The following GNA15 variants were observed in gnomAD, a reference collection of about 807,000 sequenced individuals.
The protein encoded by GNA15 is guanine nucleotide-binding protein subunit alpha-15.
In GNA15, 23 loss-of-function variants were observed where a neutral mutation model predicts 40.1. That is an observed-to-expected ratio of 0.57 (90% CI 0.41 to 0.81). The LOEUF (loss-of-function observed/expected upper bound fraction) is 0.81. Among genes scored for constraint, GNA15 ranks in the 40% least tolerant of loss-of-function variants. The pLI is 0.00. For missense variants in GNA15, 522 were observed against 515.8 expected, an observed-to-expected ratio of 1.01 and a Z score of -0.12; for synonymous variants, 226 against 210.4, an observed-to-expected ratio of 1.07 and a Z score of -0.64.
chr19:3,150,194 G>A lies in GNA15; in HGVS notation c.394G>A (p.Ala132Thr). The change falls in exon 3 of 7, where the codon GCT (alanine) becomes ACT (threonine). Residue 132 changes from alanine to threonine, a missense_variant. Transcript: ENST00000262958. Reference sequence around the variant, plus strand: ...AGTGACCACGTTTGAGAAGCGCTACGCTGCGGCCATGCAGTGGCTGTGGAG... The same window carrying A: ...AGTGACCACGTTTGAGAAGCGCTACACTGCGGCCATGCAGTGGCTGTGGAG... The part of the protein sequence containing the change: ...YKVTTFEKRY[A>T]AAMQWLWRDA... The A allele has an allele frequency of 1.9e-6, 3 of 1,613,226 alleles. No homozygotes were observed. The highest frequency in any genetic ancestry group is 1.7e-6 in the Non-Finnish European group (2 of 1,179,724).
At chr19:3,148,250 G>A (rs1448250622) in intron 1 of GNA15, among the ~76,000 whole-genome samples, 1 of 151,936 alleles carries the variant, frequency 6.6e-6, no homozygotes. Flanking sequence ...CACCACACCC[G>A]GCTAATTTTG....
At chr19:3,139,804 G>A (rs189557523) in intron 1 of GNA15, among the ~76,000 whole-genome samples, 386 of 152,096 alleles carry the variant, frequency 2.5e-3, no homozygotes, top group Non-Finnish European at 5.0e-3. Flanking sequence ...GGGGGGCCGA[G>A]GAGGGTGGAT....
At chr19:3,140,027 C>A (rs1914539304) in intron 1 of GNA15, among the ~76,000 whole-genome samples, 1 of 145,306 alleles carries the variant, frequency 6.9e-6, no homozygotes, top group Admixed American at 7.0e-5. Flanking sequence ...GAGTGAAACT[C>A]CATCTCAAAA....
Position 3,151,426 on chromosome 19 carries a change from G to T in GNA15, c.486-281G>T, listed in dbSNP as rs557162770. Among the ~76,000 whole-genome samples, 1 of 152,230 alleles carries T rather than the reference G, an allele frequency of 6.6e-6. No individual in the cohort carries two copies. The highest frequency in any genetic ancestry group is 1.9e-4 in the East Asian group (1 of 5,190). ...GCATTCTTGGGGTAGCGCCACCCCT[G>T]CCATAGCAGCTCTCCCGGGGGACAC... is the stretch of plus-strand genomic sequence containing the variant. On this transcript the variant is annotated intron_variant, in intron 3 of 6. Coordinates refer to ENST00000262958, the MANE Select transcript of GNA15 (RefSeq NM_002068.4). This position sits in a 1 kb window ranked among gnomAD's most constrained non-coding sequence, Gnocchi z 5.0.
rs1001799677 is a variant in GNA15 at position 3,136,048 on chromosome 19, G to A, written c.-403G>A. 6.1e-4 allele frequency: 101 copies of A among 164,606 alleles called. No individual in the cohort carries two copies. The highest frequency in any genetic ancestry group is 9.9e-4 in the Non-Finnish European group (75 of 76,124). The allele number at this position is 164,606 out of a possible 1,614,324, so 10.2% of individuals were successfully genotyped here. ...CCCCTTCTCCAGAAGGAGGAAGAAG[G>A]GCCCTGCTGGTCACACAGGACCCAG... On this transcript the variant is annotated 5_prime_UTR_variant, in exon 1 of 7. Transcript: ENST00000262958. The surrounding 1 kb of genome is among the most constrained non-coding windows in gnomAD (Gnocchi z 4.9).
chr19:3,136,627 G>A lies in GNA15; in HGVS notation c.145+32G>A, dbSNP rs1468733940. On this transcript the variant is annotated intron_variant, in intron 1 of 6. Transcript: ENST00000262958. This position sits in a 1 kb window ranked among gnomAD's most constrained non-coding sequence, Gnocchi z 4.9. ...CCAGGGTCGGTGGGCGGTGGGTGGT[G>A]GGCAGTGGGCGGTGGCCAGCCGGCA... 2 of 1,537,610 alleles carry A rather than the reference G, an allele frequency of 1.3e-6. No homozygotes were observed. The highest frequency in any genetic ancestry group is 2.4e-5 in the South Asian group (2 of 83,502).
At chr19:3,138,295 C>T (rs927585946) in intron 1 of GNA15, among the ~76,000 whole-genome samples, 2 of 152,166 alleles carry the variant, frequency 1.3e-5, no homozygotes, top group African/African-American at 4.8e-5. Flanking sequence ...ATCTCTGAAA[C>T]CTCGGGGTCT....
chr19:3,153,172 G>A (rs1466332607), intron 4 of GNA15, among the ~76,000 whole-genome samples: 6 of 151,734 alleles, frequency 4.0e-5, no homozygotes, highest in South Asian at 2.1e-4. Context: ...GAGAACCCAC[G>A]AGAAGGAACC....
intron 6 of GNA15, among the ~76,000 whole-genome samples, chr19:3,160,295 C>T (rs550294031): frequency 7.6e-4 from 116 of 152,268 alleles, no homozygotes; most frequent in Middle Eastern, 3.4e-3. Context: ...TCATCTCTCT[C>T]TCCTCCCCTT....
At chr19:3,162,768 C>T in intron 6 of GNA15, 25 bp from the exon 7 acceptor site, 13 of 1,545,152 alleles carry the variant, frequency 8.4e-6, no homozygotes, top group Non-Finnish European at 1.2e-5. Flanking sequence ...AGGGTCCTCA[C>T]CCCCTTCCCA....
At chr19:3,147,642 C>A (rs569219681) in intron 1 of GNA15, among the ~76,000 whole-genome samples, 2 of 151,726 alleles carry the variant, frequency 1.3e-5, no homozygotes, top group South Asian at 4.2e-4. Context: ...CGCGGTGGCT[C>A]ACGCTTGTAA....
chr19:3,150,244 T>C lies in GNA15; in HGVS notation c.444T>C (p.Tyr148=). Residue 148 remains tyrosine, a synonymous_variant, in exon 3 of 7, where the codon TAT becomes TAC. Coordinates refer to ENST00000262958, the MANE Select transcript of GNA15 (RefSeq NM_002068.4). The part of the protein sequence containing the change: ...LWRDAGIRAC[Y]ERRREFHLLD... ...GGGATGCCGGCATCCGGGCCTGCTA[T>C]GAGCGTCGGCGGGAATTCCACCTGC... 6.2e-7 allele frequency: 1 copy of C among 1,608,290 alleles called. No individual in the cohort carries two copies. Among genetic ancestry groups the C allele is most frequent in the South Asian group, 1.1e-5 (1 of 90,520 alleles).
Position 3,136,363 on chromosome 19 carries a change from C to G in GNA15, c.-88C>G. 1 of 1,382,302 alleles carries G rather than the reference C, an allele frequency of 7.2e-7. No individual in the cohort carries two copies. Among genetic ancestry groups the G allele is most frequent in the Non-Finnish European group, 9.7e-7 (1 of 1,034,950 alleles). The allele number at this position is 1,382,302 out of a possible 1,614,324, so 85.6% of individuals were successfully genotyped here. ...CCTGCGCACCCGGTTGCCCGGAGCC[C>G]TCTCCAGGGCCGGCTGGGCTGGGGG... On this transcript the variant is annotated 5_prime_UTR_variant, in exon 1 of 7. Transcript: ENST00000262958. This position sits in a 1 kb window ranked among gnomAD's most constrained non-coding sequence, Gnocchi z 4.9.
intron 5 of GNA15, among the ~76,000 whole-genome samples, chr19:3,157,179 A>G (rs1034072096): frequency 7.2e-5 from 11 of 151,732 alleles, no homozygotes; most frequent in Admixed American, 7.2e-4. Context: ...TTGTATTTTT[A>G]GTAGAAACGG....
At chr19:3,156,033 G>A (rs981553466) in intron 5 of GNA15, 81 bp downstream of exon 5, 1 of 1,347,310 alleles carries the variant, frequency 7.4e-7, no homozygotes, top group Non-Finnish European at 1.0e-6. Context: ...TGCAGAAAGG[G>A]AGGGATCCCT....
Position 3,155,859 on chromosome 19 carries a change from G to C in GNA15, c.651G>C (p.Lys217Asn). ...TCGGGGGCCAGAAGTCAGAGCGTAA[G>C]AAATGGATCCATTGTTTCGAGAACG... The part of the protein sequence containing the change: ...VDVGGQKSER[K>N]KWIHCFENVI... Residue 217 changes from lysine to asparagine, a missense_variant, in exon 5 of 7, where the codon AAG becomes AAC. Lys to Asn is a moderately conservative substitution (Grantham distance 94, BLOSUM62 0). Transcript: ENST00000262958. The surrounding 1 kb of genome is among the most constrained non-coding windows in gnomAD (Gnocchi z 5.6). 6.2e-7 allele frequency: 1 copy of C among 1,614,032 alleles called. No homozygotes were observed. The highest frequency in any genetic ancestry group is 1.1e-5 in the South Asian group (1 of 91,086).
chr19:3,157,316 T>A (rs1915052536), intron 5 of GNA15, among the ~76,000 whole-genome samples: 1 of 152,166 alleles, frequency 6.6e-6, no homozygotes, highest in Non-Finnish European at 1.5e-5. Flanking sequence ...CCTCTTCTTA[T>A]GAGGACAGCA....
At chr19:3,158,929 G>A (rs1915086859) in intron 6 of GNA15, among the ~76,000 whole-genome samples, 1 of 150,458 alleles carries the variant, frequency 6.6e-6, no homozygotes, top group Non-Finnish European at 1.5e-5. Flanking sequence ...CACCGCATCT[G>A]GCCATAACGT....
chr19:3,147,783 G>A (rs1364556440), intron 1 of GNA15, among the ~76,000 whole-genome samples: 1 of 150,094 alleles, frequency 6.7e-6, no homozygotes, highest in African/African-American at 2.5e-5. Context: ...GCTACTCAGA[G>A]AGGCTGAGGC....
Sources: gnomAD v4.1 joint callset for allele counts (sites outside exome capture counted in the v4.1 genomes callset) on GRCh38, gnomAD v4.1.1 for gene constraint, Gnocchi (gnomAD v3.1) non-coding constraint, MANE v1.5 for transcripts, NCBI Gene and HGNC (gene_info 2026-07-23, HGNC 2026-07-21) for gene names.